The following ASAP1 variants were observed in gnomAD, a reference collection of about 807,000 sequenced individuals.
ASAP1 encodes arf-GAP with SH3 domain, ANK repeat and PH domain-containing protein 1.
ASAP1 carries 43 observed loss-of-function variants against 145.2 expected under a neutral mutation model. That is an observed-to-expected ratio of 0.30 (90% CI 0.23 to 0.38). ASAP1 has a LOEUF of 0.38. Ranked by LOEUF, ASAP1 falls within the 10% of genes least tolerant of loss-of-function variation. The pLI is 1.00. For synonymous variants in ASAP1, 546 were observed against 515.5 expected (o/e 1.06, Z -0.80); for missense variants, 1,018 against 1,355.3 (o/e 0.75, Z 3.91).
At chr8:130,333,864 G>A (rs940328208) in intron 3 of ASAP1, among the ~76,000 whole-genome samples, 2 of 152,176 alleles carry the variant, frequency 1.3e-5, no homozygotes, top group South Asian at 2.1e-4. Flanking sequence ...CCCAGAAGCT[G>A]AGATTACAGA....
At chr8:130,067,152 T>C (rs896183906) in intron 27 of ASAP1, among the ~76,000 whole-genome samples, 1 of 152,228 alleles carries the variant, frequency 6.6e-6, no homozygotes, top group Non-Finnish European at 1.5e-5. Flanking sequence ...CTTTTCTGTC[T>C]GGTGGGTCAG....
At chr8:130,286,458 A>G (rs1358292904) in intron 3 of ASAP1, among the ~76,000 whole-genome samples, 1 of 152,238 alleles carries the variant, frequency 6.6e-6, no homozygotes, top group East Asian at 1.9e-4. Flanking sequence ...CACAGCAGCT[A>G]GAGAACTCCT....
rs201851522 is a variant in ASAP1 at position 130,057,946 on chromosome 8, G to C, written c.3315+8C>G. ...GTACGGATGAAGTGGATGGATATTC[G>C]TACGTACCCACCACTCCTGGTCCTC... On this transcript the variant is annotated splice_region_variant and intron_variant, in intron 29 of 29. Transcript: ENST00000518721. 2 of 1,613,970 alleles carry C rather than the reference G, an allele frequency of 1.2e-6. No individual in the cohort carries two copies. The highest frequency in any genetic ancestry group is 1.7e-6 in the Non-Finnish European group (2 of 1,179,852).
intron 3 of ASAP1, among the ~76,000 whole-genome samples, chr8:130,317,269 T>TATC (rs1304657154): frequency 2.6e-5 from 4 of 152,170 alleles, no homozygotes; most frequent in Non-Finnish European, 5.9e-5. Context: ...CCAATCCCCA[T>TATC]ATCATTATAC....
intron 15 of ASAP1, among the ~76,000 whole-genome samples, chr8:130,129,279 G>C (rs1318902073): frequency 6.6e-6 from 1 of 152,096 alleles, no homozygotes; most frequent in Admixed American, 6.6e-5. Context: ...GTGAGAACGG[G>C]CTAATAGAAT....
At chr8:130,382,337 A>G (rs1827820147) in intron 2 of ASAP1, among the ~76,000 whole-genome samples, 1 of 151,796 alleles carries the variant, frequency 6.6e-6, no homozygotes, top group South Asian at 2.1e-4. Context: ...CTTGTTCATT[A>G]ATATTATTTA....
chr8:130,251,385 T>C (rs1452175444), intron 3 of ASAP1, among the ~76,000 whole-genome samples: 1 of 152,056 alleles, frequency 6.6e-6, no homozygotes, highest in Non-Finnish European at 1.5e-5. Context: ...GCCACTGCTC[T>C]CAAGCCTGGG....
intron 3 of ASAP1, among the ~76,000 whole-genome samples, chr8:130,252,562 T>C (rs967243003): frequency 4.6e-5 from 7 of 152,300 alleles, no homozygotes; most frequent in African/African-American, 1.7e-4. Flanking sequence ...CATGTTGCCT[T>C]GTGAACTGTA....
intron 3 of ASAP1, among the ~76,000 whole-genome samples, chr8:130,279,859 T>C (rs1157935064): frequency 1.3e-5 from 2 of 152,196 alleles, no homozygotes; most frequent in Admixed American, 6.5e-5. Context: ...CCCTGAGCTA[T>C]TTACAACCTT....
chr8:130,297,156 G>A (rs183198643), intron 3 of ASAP1, among the ~76,000 whole-genome samples: 2 of 152,314 alleles, frequency 1.3e-5, no homozygotes, highest in East Asian at 3.9e-4. Context: ...CTATGGGCCA[G>A]GCGCTGCACT....
At chr8:130,380,458 G>C (rs897303891) in intron 2 of ASAP1, among the ~76,000 whole-genome samples, 1 of 152,182 alleles carries the variant, frequency 6.6e-6, no homozygotes, top group East Asian at 1.9e-4. Context: ...TTTGCAGGGT[G>C]CAGGGTGCAG....
At chr8:130,217,594 G>A (rs565350337) in intron 4 of ASAP1, among the ~76,000 whole-genome samples, 7 of 148,058 alleles carry the variant, frequency 4.7e-5, no homozygotes, top group Admixed American at 3.4e-4. Context: ...CAAGAGGCAG[G>A]GATTACCTAT....
At chr8:130,327,204 T>C (rs944147894) in intron 3 of ASAP1, among the ~76,000 whole-genome samples, 2 of 152,234 alleles carry the variant, frequency 1.3e-5, no homozygotes, top group African/African-American at 4.8e-5. Flanking sequence ...GATTTGAGTG[T>C]TGTGGCACTA....
intron 24 of ASAP1, among the ~76,000 whole-genome samples, chr8:130,106,325 A>G (rs1160281374): frequency 1.3e-5 from 2 of 152,226 alleles, no homozygotes; most frequent in African/African-American, 4.8e-5. Flanking sequence ...AGTCATCAAT[A>G]TATGAATAAC....
chr8:130,292,143 C>T (rs4733782), intron 3 of ASAP1, among the ~76,000 whole-genome samples: 205 of 152,124 alleles, frequency 1.3e-3, no homozygotes, highest in African/African-American at 4.8e-3. Flanking sequence ...CTATAAAGAG[C>T]AGACTATAGG....
chr8:130,101,891 G>A (rs1422867304), intron 24 of ASAP1, among the ~76,000 whole-genome samples: 1 of 151,782 alleles, frequency 6.6e-6, no homozygotes, highest in Admixed American at 6.6e-5. Flanking sequence ...ATTTTTTAAA[G>A]CTAGTTTGTT....
At chr8:130,340,944 GTTTT>G (rs775390998) in intron 3 of ASAP1, 1 of 444,442 alleles carries the variant, frequency 2.3e-6, no homozygotes, top group South Asian at 1.6e-5. Flanking sequence ...AAAATACTAG[GTTTT>G]TTTTTGTTTT....
At chr8:130,321,110 T>A (rs1050330840) in intron 3 of ASAP1, among the ~76,000 whole-genome samples, 2 of 152,162 alleles carry the variant, frequency 1.3e-5, no homozygotes, top group African/African-American at 4.8e-5. Context: ...CTTTGGCATA[T>A]TAAGCTATCT....
intron 27 of ASAP1, 103 bp downstream of exon 27, chr8:130,076,233 TGCTGCTCTAGGC>T (rs2097462053): frequency 4.7e-6 from 3 of 643,968 alleles, no homozygotes; most frequent in Admixed American, 3.3e-5. Context: ...ACATGCCAGG[TGCTGCTCTAGGC>T]ATTTGGGATG....
Sources: gnomAD v4.1 joint callset for allele counts (sites outside exome capture counted in the v4.1 genomes callset) on GRCh38, gnomAD v4.1.1 for gene constraint, MANE v1.5 for transcripts, NCBI Gene and HGNC (gene_info 2026-07-23, HGNC 2026-07-21) for gene names.